The following WWOX variants were observed in gnomAD, a reference collection of about 807,000 sequenced individuals.
The protein encoded by WWOX is WW domain-containing oxidoreductase.
WWOX carries 69 observed loss-of-function variants against 46.2 expected under a neutral mutation model. The observed-to-expected ratio is 1.49, with a 90% confidence interval of 1.23 to 1.82. The LOEUF is 1.82. Ranked by LOEUF, WWOX falls within the 40% of genes most tolerant of loss-of-function variation. The probability of loss-of-function intolerance (pLI) is 0.00; values close to 1 mark genes in which losing one functional copy is unlikely to be tolerated. For missense variants in WWOX, 919 were observed against 542.6 expected, an observed-to-expected ratio of 1.69 and a Z score of -6.89; for synonymous variants, 359 against 202.6, an observed-to-expected ratio of 1.77 and a Z score of -6.56.
intron 8 of WWOX, among the ~76,000 whole-genome samples, chr16:78,847,961 T>G (rs2052344147): frequency 1.3e-5 from 2 of 152,126 alleles, no homozygotes; most frequent in South Asian, 4.1e-4. Flanking sequence ...GCTGACCTGC[T>G]GGAGCATGGT....
At chr16:78,642,151 C>A (rs532329503) in intron 8 of WWOX, among the ~76,000 whole-genome samples, 1 of 152,264 alleles carries the variant, frequency 6.6e-6, no homozygotes, top group Admixed American at 6.5e-5. Context: ...ATATATGGCA[C>A]TTTTATATAT....
chr16:78,561,964 C>T (rs1404309471), intron 8 of WWOX, among the ~76,000 whole-genome samples: 1 of 120,880 alleles, frequency 8.3e-6, no homozygotes, highest in Non-Finnish European at 1.7e-5. Context: ...AGCGCAATGA[C>T]TTTTGCACCA....
intron 5 of WWOX, among the ~76,000 whole-genome samples, chr16:78,312,375 C>G (rs567173817): frequency 2.6e-3 from 231 of 88,250 alleles, no homozygotes; most frequent in African/African-American, 0.01. Flanking sequence ...AGTTGTAGGT[C>G]TAATTCTTTT....
intron 8 of WWOX, among the ~76,000 whole-genome samples, chr16:78,971,717 C>T (rs530426059): frequency 4.0e-5 from 6 of 151,836 alleles, no homozygotes; most frequent in African/African-American, 1.5e-4. Context: ...ATCGCCCCCC[C>T]ACCCCGATCC....
intron 8 of WWOX, among the ~76,000 whole-genome samples, chr16:79,111,861 A>G (rs867310909): frequency 2.0e-5 from 3 of 152,200 alleles, no homozygotes; most frequent in African/African-American, 7.2e-5. Flanking sequence ...TTTATGTAAC[A>G]GACTCCATCC....
intron 8 of WWOX, among the ~76,000 whole-genome samples, chr16:78,517,855 A>ATT (rs11342538): frequency 1.6e-3 from 141 of 86,380 alleles, no homozygotes; most frequent in East Asian, 6.5e-3. Flanking sequence ...TACACAACCT[A>ATT]TTTTTTTTTT....
chr16:78,279,367 T>C (rs2079637115), intron 5 of WWOX, among the ~76,000 whole-genome samples: 1 of 152,210 alleles, frequency 6.6e-6, no homozygotes, highest in African/African-American at 2.4e-5. Flanking sequence ...TTTTATATGA[T>C]TGTAAAATGT....
chr16:78,925,575 G>A (rs376091985), intron 8 of WWOX, among the ~76,000 whole-genome samples: 4 of 152,188 alleles, frequency 2.6e-5, no homozygotes, highest in African/African-American at 9.7e-5. Flanking sequence ...AAAACAGAAG[G>A]GGTAGTATTA....
At chr16:79,065,821 C>G (rs781258253) in intron 8 of WWOX, among the ~76,000 whole-genome samples, 3 of 151,542 alleles carry the variant, frequency 2.0e-5, no homozygotes, top group Non-Finnish European at 4.4e-5. Context: ...ACTGCCAGCC[C>G]GTGGGGCTAG....
At chr16:78,595,136 G>A (rs1756952452) in intron 8 of WWOX, among the ~76,000 whole-genome samples, 1 of 152,202 alleles carries the variant, frequency 6.6e-6, no homozygotes, top group Non-Finnish European at 1.5e-5. Context: ...TTGCAAACCT[G>A]CAAAAGCAAC....
chr16:79,143,922 T>C (rs1409279317), intron 8 of WWOX, among the ~76,000 whole-genome samples: 1 of 152,284 alleles, frequency 6.6e-6, no homozygotes, highest in African/African-American at 2.4e-5. Flanking sequence ...TTTTTTCTTT[T>C]GAGACTGGGT....
chr16:79,029,795 G>T (rs1483415787), intron 8 of WWOX, among the ~76,000 whole-genome samples: 2 of 152,072 alleles, frequency 1.3e-5, no homozygotes, highest in Non-Finnish European at 1.5e-5. Context: ...TTGGTCTTTG[G>T]ACTCTCCCGC....
intron 8 of WWOX, among the ~76,000 whole-genome samples, chr16:79,174,037 G>C (rs552874736): frequency 6.6e-6 from 1 of 152,154 alleles, no homozygotes. Flanking sequence ...TTCAAGATAC[G>C]CAATTGTAAG....
chr16:78,580,430 G>A (rs1431127046), intron 8 of WWOX, among the ~76,000 whole-genome samples: 1 of 152,158 alleles, frequency 6.6e-6, no homozygotes, highest in Non-Finnish European at 1.5e-5. Flanking sequence ...TTGCCTCTGT[G>A]ATTCCAGGTA....
At chr16:78,298,484 A>T (rs991301443) in intron 5 of WWOX, among the ~76,000 whole-genome samples, 3 of 152,036 alleles carry the variant, frequency 2.0e-5, no homozygotes, top group Non-Finnish European at 1.5e-5. Context: ...TTCTCCTGTA[A>T]ATTGGGATTA....
intron 8 of WWOX, among the ~76,000 whole-genome samples, chr16:78,610,423 C>G (rs1390016610): frequency 6.6e-6 from 1 of 152,124 alleles, no homozygotes; most frequent in Admixed American, 6.5e-5. Context: ...AAAGGAAGAA[C>G]AAATCTGTCT....
At chr16:79,024,466 C>G (rs2047596884) in intron 8 of WWOX, among the ~76,000 whole-genome samples, 1 of 151,988 alleles carries the variant, frequency 6.6e-6, no homozygotes, top group African/African-American at 2.4e-5. Flanking sequence ...CGGAGTTTTG[C>G]TCTGTTGCCC....
chr16:78,139,560 G>T (rs767100332), intron 4 of WWOX, among the ~76,000 whole-genome samples: 2 of 152,152 alleles, frequency 1.3e-5, no homozygotes, highest in Non-Finnish European at 1.5e-5. Flanking sequence ...CAGGAGAATT[G>T]CTTGAACCCA....
At chr16:78,838,671 A>G (rs1466006770) in intron 8 of WWOX, among the ~76,000 whole-genome samples, 5 of 152,108 alleles carry the variant, frequency 3.3e-5, no homozygotes, top group Admixed American at 1.3e-4. Flanking sequence ...GTGAAACCCC[A>G]TCTCTACTAA....
Sources: allele counts gnomAD v4.1 joint callset (sites outside exome capture counted in the v4.1 genomes callset), GRCh38; gene constraint gnomAD v4.1.1; transcripts MANE v1.5; gene names NCBI Gene and HGNC (gene_info 2026-07-23, HGNC 2026-07-21).